ASPRV1: variants seen among roughly 807,000 people sequenced by gnomAD.
ASPRV1 encodes the protein aspartic peptidase retroviral like 1, also known as retroviral-like aspartic protease 1.
ASPRV1 carries 7 observed loss-of-function variants against 11.0 expected under a neutral mutation model. That is an observed-to-expected ratio of 0.64 (90% confidence interval 0.36 to 1.20). ASPRV1 has a LOEUF of 1.20. Ranked by LOEUF, ASPRV1 falls within the 50% of genes most tolerant of loss-of-function variation. The pLI, the probability that ASPRV1 is intolerant of heterozygous loss-of-function variation, is 0.02. For missense variants in ASPRV1, 299 were observed against 320.0 expected, an observed-to-expected ratio of 0.93 and a Z score of 0.50; for synonymous variants, 136 against 138.4, an observed-to-expected ratio of 0.98 and a Z score of 0.12.
chr2:70,025,167 CATT>C, the ASPRV1 span, among the ~76,000 whole-genome samples: 1 of 152,160 alleles, frequency 6.6e-6, no homozygotes, highest in Non-Finnish European at 1.5e-5. Context: ...GAAGCACCAT[CATT>C]ATGACACGCA....
the ASPRV1 span, among the ~76,000 whole-genome samples, chr2:69,946,488 G>C: frequency 6.6e-6 from 1 of 152,180 alleles, no homozygotes; most frequent in Non-Finnish European, 1.5e-5. Flanking sequence ...GATTAAGTAA[G>C]GTAAAGTATG....
chr2:70,042,467 G>A, the ASPRV1 span, among the ~76,000 whole-genome samples: 1 of 152,186 alleles, frequency 6.6e-6, no homozygotes, highest in Non-Finnish European at 1.5e-5. Context: ...TGACAGCAGG[G>A]CTTTAGTCCT....
the ASPRV1 span, among the ~76,000 whole-genome samples, chr2:69,974,111 G>T: frequency 6.6e-6 from 1 of 152,196 alleles, no homozygotes; most frequent in Non-Finnish European, 1.5e-5. Flanking sequence ...ACCGAGGCGG[G>T]CAGATCACCT....
the ASPRV1 span, among the ~76,000 whole-genome samples, chr2:69,983,840 T>C: frequency 6.6e-6 from 1 of 152,144 alleles, no homozygotes; most frequent in Non-Finnish European, 1.5e-5. Flanking sequence ...ATCATGGTAC[T>C]GGTGGGGCTG....
chr2:69,983,366 G>A, the ASPRV1 span, among the ~76,000 whole-genome samples: 1 of 152,182 alleles, frequency 6.6e-6, no homozygotes, highest in South Asian at 2.1e-4. Context: ...GCAGAAGTAG[G>A]AAGAAGCAAA....
the ASPRV1 span, among the ~76,000 whole-genome samples, chr2:70,085,246 G>A: frequency 6.6e-6 from 1 of 152,198 alleles, no homozygotes; most frequent in African/African-American, 2.4e-5. Flanking sequence ...AGGCAGGTAG[G>A]CTCAAATGTG....
downstream of ASPRV1, among the ~76,000 whole-genome samples, chr2:69,958,854 C>T (rs1677998547): frequency 6.6e-6 from 1 of 152,232 alleles, no homozygotes; most frequent in African/African-American, 2.4e-5. Flanking sequence ...AGTTCTCCCA[C>T]CCACTTCTCT....
chr2:70,086,964 C>T, the ASPRV1 span: 1 of 152,330 alleles, frequency 6.6e-6, no homozygotes, highest in Non-Finnish European at 1.5e-5. Context: ...CCCCACGTGC[C>T]CGCCCGCGCG....
chr2:70,029,205 T>C, the ASPRV1 span, among the ~76,000 whole-genome samples: 79 of 152,200 alleles, frequency 5.2e-4, no homozygotes, highest in African/African-American at 1.6e-3. Context: ...GGTAATTACA[T>C]TGAATATTTA....
At chr2:70,064,707 G>A in the ASPRV1 span, among the ~76,000 whole-genome samples, 267 of 152,256 alleles carry the variant, frequency 1.8e-3, 4 homozygotes, top group East Asian at 0.047. Flanking sequence ...GGCCTAATAG[G>A]ACAAAGAAAG....
At chr2:69,988,074 G>A in the ASPRV1 span, among the ~76,000 whole-genome samples, 1 of 152,242 alleles carries the variant, frequency 6.6e-6, no homozygotes, top group Non-Finnish European at 1.5e-5. Flanking sequence ...ATGTAAAGTA[G>A]TATACAGCCA....
chr2:70,051,822 A>T, the ASPRV1 span, among the ~76,000 whole-genome samples: 4 of 152,096 alleles, frequency 2.6e-5, no homozygotes, highest in African/African-American at 4.8e-5. Flanking sequence ...AAAAAATTTT[A>T]AAAATAGCTG....
chr2:70,032,641 G>C, the ASPRV1 span, among the ~76,000 whole-genome samples: 4 of 152,150 alleles, frequency 2.6e-5, no homozygotes, highest in South Asian at 2.1e-4. Context: ...CTGGGTGACA[G>C]AGTGAGATCC....
chr2:69,955,583 A>G (rs1348117206), downstream of ASPRV1, among the ~76,000 whole-genome samples: 1 of 152,178 alleles, frequency 6.6e-6, no homozygotes, highest in Non-Finnish European at 1.5e-5. Context: ...CAAATAAGTA[A>G]CCTGGAGCCA....
chr2:70,035,408 A>C, the ASPRV1 span, among the ~76,000 whole-genome samples: 1 of 152,106 alleles, frequency 6.6e-6, no homozygotes, highest in Non-Finnish European at 1.5e-5. Flanking sequence ...ACTTGTCCCT[A>C]AACAACCCAG....
At chr2:70,061,124 G>A in the ASPRV1 span, among the ~76,000 whole-genome samples, 7 of 151,724 alleles carry the variant, frequency 4.6e-5, no homozygotes, top group Admixed American at 2.6e-4. Flanking sequence ...GGCCGGGCAC[G>A]GTGGCTCATG....
At chr2:69,997,506 C>G in the ASPRV1 span, among the ~76,000 whole-genome samples, 2 of 152,188 alleles carry the variant, frequency 1.3e-5, no homozygotes, top group Admixed American at 6.6e-5. Context: ...CCGGGCTTCT[C>G]CTCCTTCCTC....
At chr2:69,967,059 G>A in the ASPRV1 span, among the ~76,000 whole-genome samples, 17 of 152,338 alleles carry the variant, frequency 1.1e-4, 1 homozygote, top group East Asian at 2.7e-3. Flanking sequence ...CACCATGCTC[G>A]TGGCTGTAAA....
At chr2:69,944,965 C>G in the ASPRV1 span, among the ~76,000 whole-genome samples, 1 of 152,060 alleles carries the variant, frequency 6.6e-6, no homozygotes, top group Non-Finnish European at 1.5e-5. Context: ...CTACTTAGGC[C>G]CTGGAGTCCC....
Sources: allele counts gnomAD v4.1 joint callset (sites outside exome capture counted in the v4.1 genomes callset), GRCh38; gene constraint gnomAD v4.1.1; transcripts MANE v1.5; gene names NCBI Gene and HGNC (gene_info 2026-07-23, HGNC 2026-07-21).